The following ACAN variants were observed in gnomAD, a reference collection of about 807,000 sequenced individuals.
ACAN encodes aggrecan, also known as aggrecan core protein.
Under a neutral mutation model 169.1 loss-of-function variants are expected in ACAN, and 47 were observed. The ratio of observed to expected loss-of-function variants is 0.28; its 90% CI spans 0.22 to 0.35. The LOEUF (loss-of-function observed/expected upper bound fraction) is 0.35, where lower values mean the gene tolerates loss of function less well. Among genes scored for constraint, ACAN ranks in the 10% least tolerant of loss-of-function variants. ACAN has a pLI of 1.00. For missense variants in ACAN, 2,716 were observed against 2,759.9 expected, an observed-to-expected ratio of 0.98 and a Z score of 0.36; for synonymous variants, 1,115 against 1,112.2, an observed-to-expected ratio of 1.00 and a Z score of -0.05.
At chr15:88,819,895 G>A (rs1165454021) in intron 1 of ACAN, among the ~76,000 whole-genome samples, 4 of 152,118 alleles carry the variant, frequency 2.6e-5, no homozygotes, top group African/African-American at 4.8e-5. Context: ...ACACACATGG[G>A]AAGCAGGGAA....
chr15:88,861,064 C>T lies in ACAN; in HGVS notation c.6946+625C>T, dbSNP rs949904422. Among the ~76,000 whole-genome samples the T allele has an allele frequency of 5.9e-5, 9 of 152,104 alleles. No homozygotes were observed. Among genetic ancestry groups the T allele is most frequent in the Non-Finnish European group, 1.0e-4 (7 of 68,028 alleles). On this transcript the variant is annotated intron_variant, in intron 13 of 18. Coordinates refer to ENST00000560601, the MANE Select transcript of ACAN (RefSeq NM_001369268.1). This position sits in a 1 kb window ranked among gnomAD's most constrained non-coding sequence, Gnocchi z 6.3. ...GTGGGATGGGTGGAGAGGCTGGGGACCCTCTGATCTGAGGTGGACCCCGGA... is the reference window on the plus strand; with the variant it reads ...GTGGGATGGGTGGAGAGGCTGGGGATCCTCTGATCTGAGGTGGACCCCGGA...
At chr15:88,822,469 G>GTT (rs11352043) in intron 1 of ACAN, among the ~76,000 whole-genome samples, 4 of 146,292 alleles carry the variant, frequency 2.7e-5, no homozygotes, top group African/African-American at 7.5e-5. Context: ...CTAACTACAT[G>GTT]TTTTTTTTTT....
At chr15:88,803,895 T>C (rs1567159408) in intron 1 of ACAN, 86 bp downstream of exon 1, 2 of 152,256 alleles carry the variant, frequency 1.3e-5, no homozygotes, top group African/African-American at 4.8e-5. Context: ...GCCCCGGGGC[T>C]GGGGGCTGCA....
chr15:88,839,120 C>G lies in ACAN; in HGVS notation c.454+74C>G. The G allele has an allele frequency of 6.5e-7, 1 of 1,548,628 alleles. No homozygotes were observed. The highest frequency in any genetic ancestry group is 1.2e-5 in the South Asian group (1 of 82,438). The stretch of plus-strand genomic sequence containing the variant: ...CAGAGCAGTCTCCGCAGTGCAGGCG[C>G]AGGCAGGCTGGCCTTCAAACCAGCT... On this transcript the variant is annotated intron_variant, in intron 3 of 18. Coordinates refer to ENST00000560601, the MANE Select transcript of ACAN (RefSeq NM_001369268.1). This position sits in a 1 kb window ranked among gnomAD's most constrained non-coding sequence, Gnocchi z 4.5.
chr15:88,855,167 C>A lies in ACAN; in HGVS notation c.2582C>A (p.Ser861Tyr). 2 of 1,608,682 alleles carry A rather than the reference C, an allele frequency of 1.2e-6. No individual in the cohort carries two copies. Among genetic ancestry groups the A allele is most frequent in the East Asian group, 2.2e-5 (1 of 44,762 alleles). ...WTELPSSGEESGAPDVSGDFT... is the reference protein window; with the variant it reads ...WTELPSSGEEYGAPDVSGDFT... ...GAGCTGCCCAGCTCTGGGGAGGAAT[C>A]TGGGGCCCCTGATGTCAGTGGTGAC... Residue 861 changes from serine to tyrosine, a missense_variant, in exon 12 of 19, where the codon TCT (serine) becomes TAT (tyrosine). Ser to Tyr is a moderately radical substitution (Grantham distance 144). This residue lies in a region of ACAN where 1,283 missense variants were observed against 1,281.5 expected (regional missense o/e 1.00). Coordinates refer to ENST00000560601, the MANE Select transcript of ACAN (RefSeq NM_001369268.1).
chr15:88,872,800 G>A lies in ACAN; in HGVS notation c.7303-81G>A, dbSNP rs1897412446. 2.0e-6 allele frequency: 3 copies of A among 1,493,768 alleles called. No homozygotes were observed. The highest frequency in any genetic ancestry group is 1.3e-5 in the South Asian group (1 of 78,756). 92.5% of individuals were successfully genotyped at this position (1,493,768 alleles called of 1,614,324 possible). A position where few individuals can be genotyped will look rare whatever the true frequency, so the allele number is the denominator to read the frequency against. ...AAAAGAGAAAGGAGATGATGAAGAG[G>A]CTCCACGGGGAAGACAGTCGGAGCA... On this transcript the variant is annotated intron_variant, in intron 16 of 18. Transcript: ENST00000560601. This position sits in a 1 kb window ranked among gnomAD's most constrained non-coding sequence, Gnocchi z 5.4.
At chr15:88,830,038 C>T (rs747890902) in intron 1 of ACAN, among the ~76,000 whole-genome samples, 15 of 152,070 alleles carry the variant, frequency 9.9e-5, no homozygotes, top group Non-Finnish European at 1.2e-4. Context: ...AGGGAGGAGG[C>T]CTGCAGGATC....
chr15:88,857,800 C>A lies in ACAN; in HGVS notation c.5215C>A (p.Pro1739Thr), dbSNP rs962063980. 6.2e-6 allele frequency: 10 copies of A among 1,613,776 alleles called. No homozygotes were observed. The African/African-American group carries it at 1.2e-4, about 19-fold the overall frequency. ...TGGACTCTTTGGTGTCAGTGGACAG[C>A]CATCAGGGTTTCCTGACACTAGTGG... ...IPGLFGVSGQ[P>T]SGFPDTSGET... Residue 1739 changes from proline to threonine, a missense_variant, in exon 12 of 19, where the codon CCA becomes ACA. Physicochemically the swap from Pro to Thr is conservative, Grantham distance 38. Coordinates refer to ENST00000560601, the MANE Select transcript of ACAN (RefSeq NM_001369268.1).
At position 88,839,633 on chromosome 15, in the gene ACAN, C is replaced by A. The variant is rs888203697; in HGVS notation, c.455-379C>A. The stretch of plus-strand genomic sequence containing the variant: ...CCTGGGCACACCTTAAATGAGGTTT[C>A]CACTAGGGTGGCCCTGGGCTGAGGG... On this transcript the variant is annotated intron_variant, in intron 3 of 18. Transcript: ENST00000560601. This position sits in a 1 kb window ranked among gnomAD's most constrained non-coding sequence, Gnocchi z 4.5. Among the ~76,000 whole-genome samples the A allele has an allele frequency of 3.9e-5, 6 of 152,200 alleles. No homozygotes were observed. The highest frequency in any genetic ancestry group is 1.4e-4 in the African/African-American group (6 of 41,460).
rs1896213215 is a variant in ACAN at position 88,826,164 on chromosome 15, AC to A, written c.-7-10033del. Among the ~76,000 whole-genome samples, 3 of 152,112 alleles carry A rather than the reference AC, an allele frequency of 2.0e-5. No individual in the cohort carries two copies. In the South Asian group the frequency reaches 6.2e-4, roughly 31 times the overall value. ...CTCACGTCGGGGGGCTCTACTGACT[AC>A]CCACAGGTTGACTAGTAGGAATCCA... On this transcript the variant is annotated intron_variant, in intron 1 of 18. Coordinates refer to ENST00000560601, the MANE Select transcript of ACAN (RefSeq NM_001369268.1).
intron 1 of ACAN, among the ~76,000 whole-genome samples, chr15:88,806,632 G>A (rs1040443371): frequency 9.9e-5 from 15 of 152,260 alleles, no homozygotes; most frequent in African/African-American, 3.6e-4. Context: ...TCAGGCGTGA[G>A]CCACCATGCC....
rs908919462 is a variant in ACAN, at chr15:88,847,794, A to G, written c.1605-117A>G. On this transcript the variant is annotated intron_variant, in intron 8 of 18. Transcript: ENST00000560601. ...GGGGCTTTTTCCTGGTTTGAATACC[A>G]CCAGACAACTGAAGACATCTCCAAG... 4 of 1,327,056 alleles carry G rather than the reference A, an allele frequency of 3.0e-6. No individual in the cohort carries two copies. In the African/African-American group the frequency reaches 5.9e-5, roughly 20 times the overall value. 82.2% of individuals were successfully genotyped at this position (1,327,056 alleles called of 1,614,324 possible). A position where few individuals can be genotyped will look rare whatever the true frequency, so the allele number is the denominator to read the frequency against.
intron 13 of ACAN, 116 bp downstream of exon 13, chr15:88,860,555 G>C (rs1210143992): frequency 1.4e-5 from 10 of 717,632 alleles, no homozygotes; most frequent in Non-Finnish European, 2.3e-5. Flanking sequence ...GCTCAGGCTG[G>C]GAAGGAGCTG....
At chr15:88,860,781 G>T (rs1372986734) in intron 13 of ACAN, among the ~76,000 whole-genome samples, 1 of 152,142 alleles carries the variant, frequency 6.6e-6, no homozygotes, top group Non-Finnish European at 1.5e-5. Flanking sequence ...AATACAGCGG[G>T]TCACACCTCT....
Position 88,838,872 on chromosome 15 carries a change from G to T in ACAN, c.280G>T (p.Val94Leu), listed in dbSNP as rs370626315. 3.1e-6 allele frequency: 5 copies of T among 1,613,930 alleles called. No individual in the cohort carries two copies. The highest frequency in any genetic ancestry group is 2.7e-5 in the African/African-American group (2 of 74,940). The change falls in exon 3 of 19, where the codon GTG becomes TTG. Residue 94 changes from valine to leucine, a missense_variant. Around this residue, in one of 3 missense-constraint regions of ACAN, gnomAD observed 1,283 missense variants for 1,281.5 expected, o/e 1.00. Coordinates refer to ENST00000560601, the MANE Select transcript of ACAN (RefSeq NM_001369268.1). This position sits in a 1 kb window ranked among gnomAD's most constrained non-coding sequence, Gnocchi z 5.1. ...VVLLVATEGR[V>L]RVNSAYQDKV... ...GCTGCTGGTGGCCACTGAAGGGCGCGTGCGGGTCAACAGTGCCTATCAGGA... is the reference window on the plus strand; with the variant it reads ...GCTGCTGGTGGCCACTGAAGGGCGCTTGCGGGTCAACAGTGCCTATCAGGA...
At position 88,859,371 on chromosome 15, in the gene ACAN, C is replaced by T. The variant is rs778237491; in HGVS notation, c.6786C>T (p.Ile2262=). 3.2e-5 allele frequency: 51 copies of T among 1,577,478 alleles called. No individual in the cohort carries two copies. Among genetic ancestry groups the T allele is most frequent in the Non-Finnish European group, 4.4e-5 (51 of 1,161,360 alleles). ...ETATSPTDAS[I]PASPEWKRES... Reference sequence around the variant, plus strand: ...CCACCTCCCCAACAGATGCTTCCATCCCAGCTTCTCCGGAATGGAAACGTG... The same window carrying T: ...CCACCTCCCCAACAGATGCTTCCATTCCAGCTTCTCCGGAATGGAAACGTG... Residue 2262 remains isoleucine (I), a synonymous_variant, in exon 12 of 19, where the codon ATC becomes ATT. Coordinates refer to ENST00000560601, the MANE Select transcript of ACAN (RefSeq NM_001369268.1).
chr15:88,808,588 A>G (rs2141485688), intron 1 of ACAN, among the ~76,000 whole-genome samples: 1 of 152,228 alleles, frequency 6.6e-6, no homozygotes, highest in East Asian at 1.9e-4. Context: ...ACATTTGGCC[A>G]TGTCTGGAGA....
At position 88,860,430 on chromosome 15, in the gene ACAN, T is replaced by C; in HGVS notation, c.6937T>C (p.Cys2313Arg). 2.5e-6 allele frequency: 4 copies of C among 1,613,154 alleles called. No homozygotes were observed. Among genetic ancestry groups the C allele is most frequent in the Non-Finnish European group, 3.4e-6 (4 of 1,179,522 alleles). Residue 2313 changes from cysteine (C) to arginine (R), a missense_variant, in exon 13 of 19, where the codon TGT (cysteine) becomes CGT (arginine). This residue lies in a region of ACAN where 1,389 missense variants were observed against 1,363.7 expected (regional missense o/e 1.02). Transcript: ENST00000560601. ...LCPPGYTGEH[C>R]NIDIDECLSS... is the part of the protein sequence containing the mutation. ...CCCCCCTGGCTACACTGGCGAGCAC[T>C]GTAACATAGGTAAGGCCCTCATTGG... is the stretch of plus-strand genomic sequence containing the variant.
At chr15:88,845,421 C>A (rs532846621) in intron 6 of ACAN, 84 bp from the exon 7 acceptor site, 3 of 1,507,354 alleles carry the variant, frequency 2.0e-6, no homozygotes, top group Non-Finnish European at 1.8e-6. Context: ...GAGGGGGAGC[C>A]ATGCTCATCT....
Sources: gnomAD v4.1 joint callset for allele counts (sites outside exome capture counted in the v4.1 genomes callset) on GRCh38, gnomAD v4.1.1 for gene constraint, gnomAD v4.1.1 regional missense constraint, Gnocchi (gnomAD v3.1) non-coding constraint, MANE v1.5 for transcripts, NCBI Gene and HGNC (gene_info 2026-07-23, HGNC 2026-07-21) for gene names.